The following SGSM1 variants were observed in gnomAD, a reference collection of about 807,000 sequenced individuals.
SGSM1 encodes small G protein signaling modulator 1.
SGSM1 carries 73 observed loss-of-function variants against 133.8 expected under a neutral mutation model. That is an observed-to-expected ratio of 0.55 (90% CI 0.45 to 0.66). The LOEUF (loss-of-function observed/expected upper bound fraction) is 0.66. Among genes scored for constraint, SGSM1 ranks in the 30% least tolerant of loss-of-function variants. The probability of loss-of-function intolerance (pLI) is 0.00; values close to 1 mark genes in which losing one functional copy is unlikely to be tolerated. For synonymous variants in SGSM1, 563 were observed against 573.0 expected (o/e 0.98, Z 0.25); for missense variants, 1,213 against 1,448.1 (o/e 0.84, Z 2.64).
intron 19 of SGSM1, among the ~76,000 whole-genome samples, chr22:24,899,762 C>T (rs984167435): frequency 1.3e-5 from 2 of 152,064 alleles, no homozygotes; most frequent in East Asian, 1.9e-4. Flanking sequence ...ACCTCGTGAT[C>T]TGCCTGCCTT....
intron 22 of SGSM1, among the ~76,000 whole-genome samples, chr22:24,916,543 C>G (rs969407467): frequency 2.6e-5 from 4 of 151,994 alleles, no homozygotes; most frequent in Admixed American, 2.6e-4. Flanking sequence ...TTAAAAATAA[C>G]AAAAATTAGC....
chr22:24,872,902 G>C (rs1452142724), intron 12 of SGSM1, among the ~76,000 whole-genome samples: 1 of 150,782 alleles, frequency 6.6e-6, no homozygotes, highest in African/African-American at 2.4e-5. Flanking sequence ...CTGGGCAACA[G>C]AGCGAGACTC....
At chr22:24,919,112 A>G (rs942941766) in intron 23 of SGSM1, among the ~76,000 whole-genome samples, 2 of 137,424 alleles carry the variant, frequency 1.5e-5, no homozygotes, top group African/African-American at 5.6e-5. Flanking sequence ...GCAGTGGTGC[A>G]ATCTCGGCTT....
chr22:24,888,015 C>T (rs750608274), intron 16 of SGSM1, among the ~76,000 whole-genome samples: 3 of 152,134 alleles, frequency 2.0e-5, no homozygotes, highest in East Asian at 3.8e-4. Context: ...TGTCTGCTAA[C>T]GTCTTTTGTC....
At position 24,912,651 on chromosome 22, in the gene SGSM1, G is replaced by T; in HGVS notation, c.2827G>T (p.Ala943Ser). The change falls in exon 22 of 25, where the codon GCC (alanine) becomes TCC (serine). Residue 943 changes from alanine (A) to serine (S), a missense_variant. Physicochemically the swap from Ala to Ser is moderately conservative, Grantham distance 99. Transcript: ENST00000400358. Reference protein sequence around the residue: ...LLVILDDEALAFSCFTELMKR... With the variant: ...LLVILDDEALSFSCFTELMKR... ...CTGTGATGCTTTCTCAGAGGCCCTT[G>T]CCTTCAGCTGCTTCACGGAGCTCAT... The T allele has an allele frequency of 2.5e-6, 4 of 1,612,150 alleles. No individual in the cohort carries two copies. In the South Asian group the frequency reaches 4.4e-5, roughly 18 times the overall value.
At chr22:24,838,313 AG>A (rs1929588143) in intron 2 of SGSM1, among the ~76,000 whole-genome samples, 1 of 152,236 alleles carries the variant, frequency 6.6e-6, no homozygotes, top group Non-Finnish European at 1.5e-5. Flanking sequence ...CTGCAGCTGA[AG>A]AGAAGGGAGC....
intron 3 of SGSM1, among the ~76,000 whole-genome samples, chr22:24,845,657 C>A (rs1040105057): frequency 3.9e-5 from 6 of 152,200 alleles, no homozygotes; most frequent in African/African-American, 1.4e-4. Flanking sequence ...GATCTTGGTC[C>A]TGTGGAGAGG....
At chr22:24,806,516 C>T in intron 2 of SGSM1, 32 bp downstream of exon 2, 1 of 1,490,414 alleles carries the variant, frequency 6.7e-7, no homozygotes, top group Non-Finnish European at 8.9e-7. Context: ...CTGGGCAGGA[C>T]TCCCCCGGCA....
chr22:24,898,457 G>A lies in SGSM1; in HGVS notation c.2508G>A (p.Glu836=). The part of the protein sequence containing the change: ...GQADSEDNLS[E]EPEMESLFPA... ...CGGACAGTGAGGACAACCTCTCGGAGGAGCCTGAGATGGAAAGTCTCTTCC... is the reference window on the plus strand; with the variant it reads ...CGGACAGTGAGGACAACCTCTCGGAAGAGCCTGAGATGGAAAGTCTCTTCC... The change falls in exon 19 of 25, where the codon GAG becomes GAA. Residue 836 remains glutamate (E), a synonymous_variant. Transcript: ENST00000400358. The A allele has an allele frequency of 5.0e-6, 8 of 1,613,940 alleles. No homozygotes were observed. The highest frequency in any genetic ancestry group is 6.8e-6 in the Non-Finnish European group (8 of 1,179,892).
Position 24,855,429 on chromosome 22 carries a change from G to A in SGSM1, c.668G>A (p.Cys223Tyr), listed in dbSNP as rs1228633360. Residue 223 changes from cysteine (C) to tyrosine (Y), a missense_variant and splice_region_variant, in exon 7 of 25, where the codon TGT (cysteine) becomes TAT (tyrosine). Cys to Tyr is a radical substitution (Grantham distance 194, BLOSUM62 -2). Transcript: ENST00000400358. Reference protein sequence around the residue: ...QDSPTKRPALCIQKRHSSGSM... With the variant: ...QDSPTKRPALYIQKRHSSGSM... Reference sequence around the variant, plus strand: ...TCGCCCACCAAGCGTCCTGCCCTCTGTGTGAGTGGGGTGGACAGTGGGGCA... The same window carrying A: ...TCGCCCACCAAGCGTCCTGCCCTCTATGTGAGTGGGGTGGACAGTGGGGCA... 1 of 1,613,320 alleles carries A rather than the reference G, an allele frequency of 6.2e-7. No homozygotes were observed. The highest frequency in any genetic ancestry group is 8.5e-7 in the Non-Finnish European group (1 of 1,179,762).
At chr22:24,849,996 CTCT>C (rs1038094258) in intron 4 of SGSM1, among the ~76,000 whole-genome samples, 2 of 152,170 alleles carry the variant, frequency 1.3e-5, no homozygotes, top group African/African-American at 4.8e-5. Flanking sequence ...TACTCCAAGA[CTCT>C]TCTTGGCCCA....
In SGSM1 at chr22:24,924,534, G is replaced by A; in HGVS notation, c.*260G>A. The A allele has an allele frequency of 2.0e-6, 1 of 496,994 alleles. No individual in the cohort carries two copies. Among genetic ancestry groups the A allele is most frequent in the Non-Finnish European group, 3.6e-6 (1 of 275,492 alleles). 30.8% of individuals were successfully genotyped at this position (496,994 alleles called of 1,614,324 possible). Reference sequence around the variant, plus strand: ...TGGCGTTCCTCCCTTGCAGGAGGTGGAGGTTGTTGGTGGAGGAGGAGCCAT... The same window carrying A: ...TGGCGTTCCTCCCTTGCAGGAGGTGAAGGTTGTTGGTGGAGGAGGAGCCAT... On this transcript the variant is annotated 3_prime_UTR_variant, in exon 25 of 25. Transcript: ENST00000400358.
intron 2 of SGSM1, among the ~76,000 whole-genome samples, chr22:24,806,922 AGAAG>A (rs982094894): frequency 2.3e-4 from 35 of 152,086 alleles, no homozygotes; most frequent in African/African-American, 8.2e-4. Context: ...AGGAAAAGGC[AGAAG>A]GAAAATAAAA....
chr22:24,866,776 T>C (rs957624806), intron 9 of SGSM1, among the ~76,000 whole-genome samples: 5 of 152,166 alleles, frequency 3.3e-5, no homozygotes, highest in East Asian at 1.9e-4. Context: ...CACTGAACAC[T>C]GTGGCCGGAA....
At chr22:24,880,294 C>T (rs1932254324) in intron 14 of SGSM1, among the ~76,000 whole-genome samples, 1 of 152,094 alleles carries the variant, frequency 6.6e-6, no homozygotes, top group African/African-American at 2.4e-5. Context: ...GCCACCACAC[C>T]CAGCTAATTT....
chr22:24,874,636 T>C lies in SGSM1; in HGVS notation c.1292-1941T>C. The C allele has an allele frequency of 2.7e-6, 4 of 1,505,652 alleles. No homozygotes were observed. The South Asian group carries it at 4.0e-5, about 15-fold the overall frequency. The allele number at this position is 1,505,652 out of a possible 1,614,324, so 93.3% of individuals were successfully genotyped here. The stretch of plus-strand genomic sequence containing the variant: ...CTGGGTGCCAGCCACCTCTGCCATG[T>C]TGTCATTTGAGTTCTGGTCCCAAGG... On this transcript the variant is annotated intron_variant, in intron 12 of 24. Coordinates refer to ENST00000400358, the MANE Select transcript of SGSM1 (RefSeq NM_001098497.3).
chr22:24,817,392 C>T (rs950752695), intron 2 of SGSM1, among the ~76,000 whole-genome samples: 2 of 150,292 alleles, frequency 1.3e-5, no homozygotes, highest in African/African-American at 4.9e-5. Context: ...CTCACTCTGT[C>T]GCCAGGCTGG....
chr22:24,898,455 G>A lies in SGSM1; in HGVS notation c.2506G>A (p.Glu836Lys). 3 of 1,613,922 alleles carry A rather than the reference G, an allele frequency of 1.9e-6. No individual in the cohort carries two copies. Among genetic ancestry groups the A allele is most frequent in the Non-Finnish European group, 2.5e-6 (3 of 1,179,890 alleles). ...GQADSEDNLS[E>K]EPEMESLFPA... The stretch of plus-strand genomic sequence containing the variant: ...GGCGGACAGTGAGGACAACCTCTCG[G>A]AGGAGCCTGAGATGGAAAGTCTCTT... The change falls in exon 19 of 25, where the codon GAG becomes AAG. Residue 836 changes from glutamate (E) to lysine (K), a missense_variant. Glu to Lys is a moderately conservative substitution (Grantham distance 56). Transcript: ENST00000400358.
In SGSM1 at chr22:24,924,371, C is replaced by T. The variant is rs1051047875; in HGVS notation, c.*97C>T. 1 of 1,030,308 alleles carries T rather than the reference C, an allele frequency of 9.7e-7. No individual in the cohort carries two copies. Among genetic ancestry groups the T allele is most frequent in the Non-Finnish European group, 1.5e-6 (1 of 672,220 alleles). The allele number at this position is 1,030,308 out of a possible 1,614,324, so 63.8% of individuals were successfully genotyped here. A position where few individuals can be genotyped will look rare whatever the true frequency, so the allele number is the denominator to read the frequency against. ...TGGATGGGCACCCCGGGAGCGGGGT[C>T]CTGGTGTCTGTTCACAAGCGTGGAG... On this transcript the variant is annotated 3_prime_UTR_variant, in exon 25 of 25. Coordinates refer to ENST00000400358, the MANE Select transcript of SGSM1 (RefSeq NM_001098497.3).
Sources: allele counts gnomAD v4.1 joint callset (sites outside exome capture counted in the v4.1 genomes callset), GRCh38; gene constraint gnomAD v4.1.1; transcripts MANE v1.5; gene names NCBI Gene and HGNC (gene_info 2026-07-23, HGNC 2026-07-21).